Variants in CPPED1 observed in about 807,000 individuals in gnomAD.
CPPED1 encodes serine/threonine-protein phosphatase CPPED1.
A neutral mutation model predicts 28.0 loss-of-function variants in CPPED1; 28 were observed. That is an observed-to-expected ratio of 1.00 (90% CI 0.74 to 1.37). CPPED1 has a LOEUF of 1.37. Ranked by LOEUF, CPPED1 falls within the 40% of genes most tolerant of loss-of-function variation. The probability of loss-of-function intolerance (pLI) is 0.00; values close to 1 mark genes in which losing one functional copy is unlikely to be tolerated. For synonymous variants in CPPED1, 198 were observed against 180.2 expected (o/e 1.10, Z -0.79); for missense variants, 504 against 416.5 (o/e 1.21, Z -1.83).
At chr16:12,756,675 G>A (rs749813051) in intron 2 of CPPED1, among the ~76,000 whole-genome samples, 9 of 152,084 alleles carry the variant, frequency 5.9e-5, no homozygotes, top group Non-Finnish European at 1.0e-4. Context: ...CTGCACCCCA[G>A]CCTGGGCAAC....
intron 2 of CPPED1, among the ~76,000 whole-genome samples, chr16:12,715,896 G>A (rs769291251): frequency 1.3e-5 from 2 of 152,162 alleles, no homozygotes; most frequent in Admixed American, 1.3e-4. Flanking sequence ...GGCTCTGAAT[G>A]TATTTTATGT....
chr16:12,681,868 C>T (rs2079906641), intron 3 of CPPED1, among the ~76,000 whole-genome samples: 1 of 152,156 alleles, frequency 6.6e-6, no homozygotes, highest in Non-Finnish European at 1.5e-5. Context: ...TGTGCTCTCA[C>T]ACTCCAGGGC....
chr16:12,703,994 C>T (rs1421584912), intron 3 of CPPED1, among the ~76,000 whole-genome samples: 3 of 152,208 alleles, frequency 2.0e-5, no homozygotes, highest in Non-Finnish European at 4.4e-5. Flanking sequence ...AAATCCGTTA[C>T]TCTCTCCTGA....
intron 3 of CPPED1, among the ~76,000 whole-genome samples, chr16:12,684,254 T>C (rs1300376177): frequency 6.6e-6 from 1 of 152,220 alleles, no homozygotes; most frequent in Non-Finnish European, 1.5e-5. Context: ...CTCATGCCTG[T>C]AATCCCAGCA....
intron 2 of CPPED1, among the ~76,000 whole-genome samples, chr16:12,770,645 A>G (rs748901463): frequency 2.0e-5 from 3 of 152,076 alleles, no homozygotes; most frequent in Non-Finnish European, 4.4e-5. Flanking sequence ...CAACATAACA[A>G]AACTCTCTCT....
At position 12,707,004 on chromosome 16, in the gene CPPED1, G is replaced by A. The variant is rs1014490248; in HGVS notation, c.290-1955C>T. ...GGTTCATTCACCTACCGTCTGCATC[G>A]AAGGTGCCATTGATTGACATTGCTT... On this transcript the variant is annotated intron_variant, in intron 2 of 3. Coordinates refer to ENST00000381774, the MANE Select transcript of CPPED1 (RefSeq NM_018340.3). Among the ~76,000 whole-genome samples, 11 of 152,194 alleles carry A rather than the reference G, an allele frequency of 7.2e-5. No individual in the cohort carries two copies. The South Asian group carries it at 8.3e-4, about 11-fold the overall frequency.
chr16:12,786,687 G>A (rs180795933), intron 1 of CPPED1, among the ~76,000 whole-genome samples: 2,040 of 152,294 alleles, frequency 0.013, 16 homozygotes, highest in Non-Finnish European at 0.02. Context: ...TTGGGAGGCC[G>A]AGGCGGGTGG....
chr16:12,740,618 C>A (rs1208523630), intron 2 of CPPED1, among the ~76,000 whole-genome samples: 1 of 152,020 alleles, frequency 6.6e-6, no homozygotes, highest in Non-Finnish European at 1.5e-5. Flanking sequence ...ATATTATTAG[C>A]GTTACAAAGA....
At chr16:12,795,593 G>A (rs1240645918) in intron 1 of CPPED1, among the ~76,000 whole-genome samples, 1 of 152,090 alleles carries the variant, frequency 6.6e-6, no homozygotes, top group East Asian at 1.9e-4. Flanking sequence ...ACTCGCCTCA[G>A]CCTCCCAAAG....
intron 3 of CPPED1, among the ~76,000 whole-genome samples, chr16:12,691,853 G>T (rs112501882): frequency 0.011 from 1,427 of 133,112 alleles, 31 homozygotes; most frequent in Middle Eastern, 0.041. Context: ...TAGGAGACAT[G>T]CCTAATGTTA....
At chr16:12,799,776 G>C (rs2080648193) in intron 1 of CPPED1, among the ~76,000 whole-genome samples, 1 of 152,200 alleles carries the variant, frequency 6.6e-6, no homozygotes, top group East Asian at 1.9e-4. Flanking sequence ...GTTCTCAGCA[G>C]AACACTCTGA....
chr16:12,780,818 A>G (rs2080525938), intron 2 of CPPED1, among the ~76,000 whole-genome samples: 1 of 152,222 alleles, frequency 6.6e-6, no homozygotes, highest in Non-Finnish European at 1.5e-5. Flanking sequence ...GGGAGAAATA[A>G]AAGTGTAAGA....
In CPPED1 at chr16:12,689,731, C is replaced by A. The variant is rs150783669; in HGVS notation, c.715+14893G>T. 4.3e-3 allele frequency among the ~76,000 whole-genome samples: 658 copies of A among 152,246 alleles called. 5 individuals are homozygous for A. The highest frequency in any genetic ancestry group is 0.015 in the African/African-American group (629 of 41,552). Reference sequence around the variant, plus strand: ...ATAAGGCTCTCACAGAGAAAACATACATGCCCACATTAGCTCCTGAGAAGC... The same window carrying A: ...ATAAGGCTCTCACAGAGAAAACATAAATGCCCACATTAGCTCCTGAGAAGC... On this transcript the variant is annotated intron_variant, in intron 3 of 3. Transcript: ENST00000381774.
chr16:12,711,833 C>G (rs1026219542), intron 2 of CPPED1, among the ~76,000 whole-genome samples: 2 of 152,150 alleles, frequency 1.3e-5, no homozygotes, highest in Non-Finnish European at 2.9e-5. Flanking sequence ...TATGGAAATT[C>G]TGTGAGATAA....
At chr16:12,778,369 G>A (rs2141237093) in intron 2 of CPPED1, among the ~76,000 whole-genome samples, 1 of 147,634 alleles carries the variant, frequency 6.8e-6, no homozygotes, top group East Asian at 2.0e-4. Context: ...TCCACCTCCT[G>A]GGTTCAAGCG....
chr16:12,738,458 CTTA>C (rs943536561), intron 2 of CPPED1, among the ~76,000 whole-genome samples: 42 of 151,866 alleles, frequency 2.8e-4, no homozygotes, highest in Non-Finnish European at 1.9e-4. Context: ...CACACACCTG[CTTA>C]TTATTAAAAA....
At chr16:12,685,183 G>A (rs1459675242) in intron 3 of CPPED1, among the ~76,000 whole-genome samples, 1 of 152,220 alleles carries the variant, frequency 6.6e-6, no homozygotes, top group African/African-American at 2.4e-5. Flanking sequence ...AGGTGCGGCG[G>A]CTCACGCCTG....
chr16:12,687,748 T>A (rs1362458769), intron 3 of CPPED1, among the ~76,000 whole-genome samples: 3 of 152,140 alleles, frequency 2.0e-5, no homozygotes, highest in South Asian at 2.1e-4. Context: ...CAGGTCACAA[T>A]ACTCCTGTGT....
chr16:12,776,183 G>A (rs934825074), intron 2 of CPPED1, among the ~76,000 whole-genome samples: 16 of 152,186 alleles, frequency 1.1e-4, no homozygotes, highest in African/African-American at 3.6e-4. Flanking sequence ...TCAGACGGGA[G>A]AAAAGGTGCA....
Sources: gnomAD v4.1 joint callset for allele counts (sites outside exome capture counted in the v4.1 genomes callset) on GRCh38, gnomAD v4.1.1 for gene constraint, MANE v1.5 for transcripts, NCBI Gene and HGNC (gene_info 2026-07-23, HGNC 2026-07-21) for gene names.